Variants in CSPP1 observed in about 807,000 individuals in gnomAD.
The protein encoded by CSPP1 is centrosome and spindle pole-associated protein 1.
CSPP1 carries 126 observed loss-of-function variants against 164.4 expected under a neutral mutation model. The ratio of observed to expected loss-of-function variants is 0.77; its 90% CI spans 0.66 to 0.89. CSPP1 has a LOEUF of 0.89. Ranked by LOEUF, CSPP1 falls within the 40% of genes least tolerant of loss-of-function variation. The pLI is 0.00. For synonymous variants in CSPP1, 472 were observed against 476.7 expected (o/e 0.99, Z 0.13); for missense variants, 1,395 against 1,449.8 (o/e 0.96, Z 0.61).
intron 16 of CSPP1, chr8:67,135,198 C>T (rs1237025590): frequency 6.6e-6 from 1 of 152,188 alleles, no homozygotes; most frequent in Admixed American, 6.5e-5. Context: ...CAAAGTCGCA[C>T]TCTGTTGCCC....
At chr8:67,074,194 G>A (rs1428980309) in intron 1 of CSPP1, 49 bp from the exon 2 acceptor site, 1 of 1,053,714 alleles carries the variant, frequency 9.5e-7, no homozygotes, top group South Asian at 1.4e-5. Context: ...TGATAATTAG[G>A]CTAAAAATAC....
chr8:67,146,975 C>T (rs112414086), intron 17 of CSPP1, among the ~76,000 whole-genome samples: 7,310 of 152,190 alleles, frequency 0.048, 263 homozygotes, highest in African/African-American at 0.096. Flanking sequence ...AAGGAGTGGC[C>T]AGTTGCCAAA....
chr8:67,180,041 T>A, intron 28 of CSPP1, 115 bp downstream of exon 28: 2 of 551,876 alleles, frequency 3.6e-6, no homozygotes, highest in South Asian at 2.9e-5. Flanking sequence ...AAAAAAGGAA[T>A]ATTCTTTTTT....
intron 7 of CSPP1, among the ~76,000 whole-genome samples, chr8:67,097,915 A>G (rs915535757): frequency 9.2e-5 from 14 of 152,018 alleles, no homozygotes; most frequent in South Asian, 4.1e-4. Context: ...TGTTTCTTCA[A>G]TATATAAATC....
At chr8:67,129,582 GATA>G (rs1378860019) in intron 15 of CSPP1, among the ~76,000 whole-genome samples, 1 of 152,134 alleles carries the variant, frequency 6.6e-6, no homozygotes, top group Non-Finnish European at 1.5e-5. Flanking sequence ...CTGCATTATT[GATA>G]ATAGTCAAAA....
At chr8:67,104,447 T>C (rs1380929952) in intron 8 of CSPP1, among the ~76,000 whole-genome samples, 2 of 151,846 alleles carry the variant, frequency 1.3e-5, no homozygotes, top group Non-Finnish European at 2.9e-5. Flanking sequence ...AAAAAATTTT[T>C]TTGTAGAGTC....
At chr8:67,069,206 G>A (rs938451601) in intron 1 of CSPP1, 2 of 152,136 alleles carry the variant, frequency 1.3e-5, no homozygotes, top group Non-Finnish European at 2.9e-5. Context: ...TTCTTTGGCT[G>A]GAGATCATTA....
intron 21 of CSPP1, among the ~76,000 whole-genome samples, chr8:67,160,300 A>G (rs1053254163): frequency 1.3e-5 from 2 of 151,702 alleles, no homozygotes; most frequent in Non-Finnish European, 2.9e-5. Context: ...CCCCGTCTCT[A>G]TAACAAATAC....
chr8:67,165,088 T>C (rs1170187801), intron 24 of CSPP1, among the ~76,000 whole-genome samples: 1 of 152,136 alleles, frequency 6.6e-6, no homozygotes, highest in Non-Finnish European at 1.5e-5. Context: ...ATCGAGACCA[T>C]CCTGTCTAAC....
In CSPP1 at chr8:67,154,052, T is replaced by C; in HGVS notation, c.2157T>C (p.Phe719=). 1 of 1,604,346 alleles carries C rather than the reference T, an allele frequency of 6.2e-7. No homozygotes were observed. Among genetic ancestry groups the C allele is most frequent in the South Asian group, 1.1e-5 (1 of 90,590 alleles). Residue 719 remains phenylalanine (F), a synonymous_variant, in exon 19 of 31, where the codon TTT becomes TTC. Transcript: ENST00000678616. The part of the protein sequence containing the change: ...SGHMQTQSSP[F]ARGNVFGEPP... Reference sequence around the variant, plus strand: ...ATATGCAAACACAGAGCTCTCCTTTTGCTCGGGGAAATGTATTTGGTGAGC... The same window carrying C: ...ATATGCAAACACAGAGCTCTCCTTTCGCTCGGGGAAATGTATTTGGTGAGC...
intron 24 of CSPP1, among the ~76,000 whole-genome samples, chr8:67,170,386 G>A (rs1272820372): frequency 1.3e-5 from 2 of 152,226 alleles, no homozygotes; most frequent in African/African-American, 2.4e-5. Context: ...GAACTGGGAA[G>A]TGGAGGTTGC....
At chr8:67,158,646 T>C in intron 20 of CSPP1, 50 bp downstream of exon 20, 2 of 1,516,314 alleles carry the variant, frequency 1.3e-6, no homozygotes, top group Non-Finnish European at 1.8e-6. Context: ...GAAGGTGAAA[T>C]CTTTGACTTG....
chr8:67,103,092 A>G lies in CSPP1; in HGVS notation c.979A>G (p.Ile327Val), dbSNP rs746491789. 1 of 1,611,508 alleles carries G rather than the reference A, an allele frequency of 6.2e-7. No individual in the cohort carries two copies. Among genetic ancestry groups the G allele is most frequent in the African/African-American group, 1.3e-5 (1 of 74,854 alleles). The change falls in exon 8 of 31, where the codon ATA becomes GTA. Residue 327 changes from isoleucine to valine, a missense_variant. By Grantham distance (29) the Ile-to-Val change is conservative. Transcript: ENST00000678616. Reference sequence around the variant, plus strand: ...TCCTATGGAACATGATGGGGATGTTATAGAACAGTCAAACATAAGAATTTC... The same window carrying G: ...TCCTATGGAACATGATGGGGATGTTGTAGAACAGTCAAACATAAGAATTTC... ...MPPMEHDGDV[I>V]EQSNIRISSA...
chr8:67,193,985 G>A (rs1372653019), intron 30 of CSPP1, among the ~76,000 whole-genome samples: 1 of 152,182 alleles, frequency 6.6e-6, no homozygotes, highest in Non-Finnish European at 1.5e-5. Context: ...TATATTTGCA[G>A]TACTACAAAG....
intron 4 of CSPP1, among the ~76,000 whole-genome samples, chr8:67,087,042 A>G (rs1362796012): frequency 6.6e-6 from 1 of 151,550 alleles, no homozygotes; most frequent in Non-Finnish European, 1.5e-5. Context: ...ACACATTATA[A>G]TTTTCCGTTA....
At chr8:67,175,540 C>T (rs767330628) in intron 26 of CSPP1, 104 bp downstream of exon 26, 1 of 1,343,520 alleles carries the variant, frequency 7.4e-7, no homozygotes, top group Admixed American at 1.8e-5. Flanking sequence ...CCTCCTTTCA[C>T]TGGCAGCCCC....
intron 28 of CSPP1, 39 bp from the exon 29 acceptor site, chr8:67,190,611 C>T (rs1388581088): frequency 7.0e-7 from 1 of 1,436,134 alleles, no homozygotes; most frequent in East Asian, 2.3e-5. Context: ...AGATTTGAAG[C>T]AGTATTAAGA....
Position 67,117,418 on chromosome 8 carries a change from G to A in CSPP1, c.1497-830G>A, listed in dbSNP as rs1818158886. On this transcript the variant is annotated intron_variant, in intron 13 of 30. Coordinates refer to ENST00000678616, the MANE Select transcript of CSPP1 (RefSeq NM_001382391.1). ...AACAGTGAGAACATTCTAGAATGCC[G>A]CCATCTCTTTCTATTCATTTAAAGG... Among the ~76,000 whole-genome samples, 11 of 152,174 alleles carry A rather than the reference G, an allele frequency of 7.2e-5. No individual in the cohort carries two copies. In the South Asian group the frequency reaches 2.3e-3, roughly 32 times the overall value.
intron 24 of CSPP1, among the ~76,000 whole-genome samples, chr8:67,166,610 C>A (rs1257819690): frequency 1.3e-5 from 2 of 152,232 alleles, no homozygotes; most frequent in East Asian, 1.9e-4. Context: ...TAGGTCAATA[C>A]GTTCCAAGCA....
Sources: allele counts gnomAD v4.1 joint callset (sites outside exome capture counted in the v4.1 genomes callset), GRCh38; gene constraint gnomAD v4.1.1; transcripts MANE v1.5; gene names NCBI Gene and HGNC (gene_info 2026-07-23, HGNC 2026-07-21).